The following RIC3 variants were observed in gnomAD, a reference collection of about 807,000 sequenced individuals.
The protein encoded by RIC3 is protein RIC-3.
In RIC3, 28 loss-of-function variants were observed where a neutral mutation model predicts 27.3. The ratio of observed to expected loss-of-function variants is 1.02; its 90% CI spans 0.76 to 1.41. The LOEUF (loss-of-function observed/expected upper bound fraction) is 1.41, where lower values mean the gene tolerates loss of function less well. Ranked by LOEUF, RIC3 falls within the 40% of genes most tolerant of loss-of-function variation. The pLI, the probability that RIC3 is intolerant of heterozygous loss-of-function variation, is 0.00. For synonymous variants in RIC3, 184 were observed against 160.4 expected, an observed-to-expected ratio of 1.15 and a Z score of -1.11; for missense variants, 501 against 444.7, an observed-to-expected ratio of 1.13 and a Z score of -1.14.
At chr11:8,146,566 A>G (rs1036890643) in intron 1 of RIC3, among the ~76,000 whole-genome samples, 10 of 152,238 alleles carry the variant, frequency 6.6e-5, no homozygotes, top group Admixed American at 6.5e-4. Context: ...TTCTGAGCCA[A>G]ATATAAGTGA....
chr11:8,153,565 C>T (rs894298386), intron 1 of RIC3: 4 of 308,970 alleles, frequency 1.3e-5, no homozygotes, highest in Non-Finnish European at 2.5e-5. Context: ...TCAACCTATT[C>T]CTTCTCAATC....
intron 1 of RIC3, among the ~76,000 whole-genome samples, chr11:8,166,462 A>G (rs1361609587): frequency 2.0e-5 from 3 of 152,218 alleles, no homozygotes; most frequent in East Asian, 1.9e-4. Context: ...AGAATTTTCA[A>G]ATACTCAGGG....
intron 5 of RIC3, among the ~76,000 whole-genome samples, chr11:8,117,918 TGG>T (rs1195509932): frequency 4.6e-5 from 7 of 152,064 alleles, no homozygotes; most frequent in Non-Finnish European, 8.8e-5. Flanking sequence ...CCATCATTAC[TGG>T]TTACTCAAAA....
At chr11:8,101,374 T>C, downstream of RIC3, 3 of 1,372,708 alleles carry the variant, frequency 2.2e-6, no homozygotes, top group Non-Finnish European at 1.0e-6. Context: ...CCCTGGCATC[T>C]CTGCTTCTCA....
chr11:8,131,728 T>C (rs1163894844), intron 4 of RIC3, among the ~76,000 whole-genome samples: 1 of 151,504 alleles, frequency 6.6e-6, no homozygotes, highest in African/African-American at 2.4e-5. Flanking sequence ...TGGTGAAACC[T>C]TGTCTCTACT....
At chr11:8,136,710 T>C (rs1465778770) in intron 4 of RIC3, among the ~76,000 whole-genome samples, 1 of 152,206 alleles carries the variant, frequency 6.6e-6, no homozygotes, top group Non-Finnish European at 1.5e-5. Flanking sequence ...CTTCTCTCAT[T>C]TTGTCTCAAG....
At chr11:8,156,283 G>T (rs1950644999) in intron 1 of RIC3, among the ~76,000 whole-genome samples, 1 of 152,202 alleles carries the variant, frequency 6.6e-6, no homozygotes, top group Admixed American at 6.5e-5. Context: ...GTAGCAGAGT[G>T]AAGTGGAATG....
rs186636229 is a variant in RIC3 at position 8,133,008 on chromosome 11, A to G, written c.521+4370T>C. 1.2e-3 allele frequency among the ~76,000 whole-genome samples: 180 copies of G among 152,318 alleles called. 2 individuals carry two copies. Among genetic ancestry groups the G allele is most frequent in the African/African-American group, 4.3e-3 (178 of 41,582 alleles). The stretch of plus-strand genomic sequence containing the variant: ...CCTCCTATACTCATGTTGAAACTTA[A>G]TTGACATTGCAACAGTATTAAGAGG... On this transcript the variant is annotated intron_variant, in intron 4 of 5. Coordinates refer to ENST00000309737, the MANE Select transcript of RIC3 (RefSeq NM_001206671.4).
intron 1 of RIC3, among the ~76,000 whole-genome samples, chr11:8,147,719 G>T (rs1275418436): frequency 2.7e-5 from 4 of 149,104 alleles, no homozygotes; most frequent in Admixed American, 6.7e-5. Context: ...TAGAACTTGC[G>T]TAAGATTTTT....
the RIC3 span, chr11:8,097,785 A>G: frequency 1.2e-6 from 2 of 1,614,064 alleles, no homozygotes; most frequent in East Asian, 2.2e-5. Flanking sequence ...TGGACCCAAC[A>G]GACTTGTCTC....
chr11:8,119,296 A>T (rs1474082124), intron 5 of RIC3, among the ~76,000 whole-genome samples: 1 of 152,318 alleles, frequency 6.6e-6, no homozygotes, highest in Admixed American at 6.5e-5. Flanking sequence ...TTCAAACTAT[A>T]CTACAAGGCT....
intron 1 of RIC3, among the ~76,000 whole-genome samples, chr11:8,152,374 T>C (rs1346763964): frequency 6.6e-6 from 1 of 152,184 alleles, no homozygotes; most frequent in Admixed American, 6.5e-5. Context: ...CACAACACAG[T>C]ATTATCCAGC....
At chr11:8,098,742 T>G in the RIC3 span, 1 of 1,590,526 alleles carries the variant, frequency 6.3e-7, no homozygotes, top group Non-Finnish European at 8.6e-7. Context: ...CTATACTGAT[T>G]GTGCCTTTAT....
chr11:8,105,350 C>G (rs1944510274), downstream of RIC3: 1 of 152,188 alleles, frequency 6.6e-6, no homozygotes, highest in South Asian at 2.1e-4. Flanking sequence ...TCTATACTAC[C>G]CTGGGCTCTG....
chr11:8,137,501 T>C, intron 3 of RIC3, 30 bp from the exon 4 acceptor site: 2 of 1,588,900 alleles, frequency 1.3e-6, no homozygotes, highest in Non-Finnish European at 1.7e-6. Context: ...CTAAGAACCA[T>C]CAGAGACAAC....
At chr11:8,165,902 C>T (rs1951653431) in intron 1 of RIC3, among the ~76,000 whole-genome samples, 1 of 131,118 alleles carries the variant, frequency 7.6e-6, no homozygotes, top group Non-Finnish European at 1.6e-5. Context: ...CCTCAGCCTA[C>T]AGAGTAGCTG....
chr11:8,095,642 T>G, the RIC3 span: 1 of 1,606,046 alleles, frequency 6.2e-7, no homozygotes, highest in South Asian at 1.1e-5. Context: ...GGGCAGGATC[T>G]CCGTGCCACG....
intron 1 of RIC3, among the ~76,000 whole-genome samples, chr11:8,160,799 C>T (rs1951095669): frequency 1.3e-5 from 2 of 152,328 alleles, no homozygotes; most frequent in South Asian, 4.1e-4. Flanking sequence ...TGTTCAAACA[C>T]TTGCACCTAG....
At chr11:8,148,923 G>A (rs750082876) in intron 1 of RIC3, among the ~76,000 whole-genome samples, 37 of 150,850 alleles carry the variant, frequency 2.5e-4, no homozygotes, top group Non-Finnish European at 4.9e-4. Context: ...GCTCACACCT[G>A]TAATCCCAGC....
Sources: allele counts gnomAD v4.1 joint callset (sites outside exome capture counted in the v4.1 genomes callset), GRCh38; gene constraint gnomAD v4.1.1; transcripts MANE v1.5; gene names NCBI Gene and HGNC (gene_info 2026-07-23, HGNC 2026-07-21).